DAAM2: variants seen among roughly 807,000 people sequenced by gnomAD.
DAAM2 encodes the protein disheveled-associated activator of morphogenesis 2.
In DAAM2, 39 loss-of-function variants were observed where a neutral mutation model predicts 120.7. The ratio of observed to expected loss-of-function variants is 0.32; its 90% CI spans 0.25 to 0.42. DAAM2 has a LOEUF of 0.42. DAAM2 is among the 10% of genes least tolerant of loss of function. DAAM2 has a pLI of 1.00. For missense variants in DAAM2, 1,283 were observed against 1,401.7 expected, an observed-to-expected ratio of 0.92 and a Z score of 1.35; for synonymous variants, 488 against 524.9, an observed-to-expected ratio of 0.93 and a Z score of 0.96.
chr6:39,797,865 G>A (rs961716088), intron 1 of DAAM2, among the ~76,000 whole-genome samples: 8 of 152,214 alleles, frequency 5.3e-5, no homozygotes, highest in Non-Finnish European at 1.2e-4. Flanking sequence ...TTGGGTAGAT[G>A]AACAAATGAA....
At chr6:39,891,274 C>T (rs969436189) in intron 17 of DAAM2, 67 bp from the exon 18 acceptor site, 5 of 1,284,702 alleles carry the variant, frequency 3.9e-6, no homozygotes, top group Non-Finnish European at 5.5e-6. Context: ...AGTACAGCTT[C>T]TCACACCCTG....
intron 19 of DAAM2, among the ~76,000 whole-genome samples, chr6:39,893,320 C>T (rs1219186338): frequency 6.6e-6 from 1 of 152,106 alleles, no homozygotes; most frequent in Non-Finnish European, 1.5e-5. Context: ...ATTGAGACCA[C>T]TCTGGCTAAC....
At position 39,891,382 on chromosome 6, in the gene DAAM2, G is replaced by A. The variant is rs776287715; in HGVS notation, c.2187G>A (p.Leu729=). 5.6e-6 allele frequency: 9 copies of A among 1,611,374 alleles called. No homozygotes were observed. Among genetic ancestry groups the A allele is most frequent in the Non-Finnish European group, 7.6e-6 (9 of 1,178,828 alleles). The change falls in exon 18 of 25, where the codon CTG becomes CTA. Residue 729 remains leucine, a synonymous_variant. Transcript: ENST00000274867. ...CAGAGAAGAGTGACATTGACCTCCT[G>A]GAGGAGCACAAGCATGAAATTGAGC... ...FIPEKSDIDL[L]EEHKHEIERM...
intron 2 of DAAM2, among the ~76,000 whole-genome samples, chr6:39,858,958 C>A (rs1300524550): frequency 6.6e-6 from 1 of 152,108 alleles, no homozygotes; most frequent in Non-Finnish European, 1.5e-5. Context: ...GCTAAAGAAA[C>A]CAGGGAAGTG....
chr6:39,824,110 GCCTT>G (rs1177523053), intron 1 of DAAM2, among the ~76,000 whole-genome samples: 1 of 152,142 alleles, frequency 6.6e-6, no homozygotes, highest in Non-Finnish European at 1.5e-5. Context: ...AGCTCTGGGG[GCCTT>G]CTGTGCTACA....
At chr6:39,796,670 G>A (rs1359604141) in intron 1 of DAAM2, among the ~76,000 whole-genome samples, 1 of 147,096 alleles carries the variant, frequency 6.8e-6, no homozygotes, top group African/African-American at 2.5e-5. Context: ...ACTTTAGGCA[G>A]TTTGATGTCT....
At chr6:39,872,196 T>A (rs1361378717) in intron 9 of DAAM2, among the ~76,000 whole-genome samples, 1 of 152,184 alleles carries the variant, frequency 6.6e-6, no homozygotes. Context: ...TACCCAGTCC[T>A]CTGATTCAAA....
chr6:39,807,904 A>G (rs1762053806), intron 1 of DAAM2, among the ~76,000 whole-genome samples: 1 of 152,148 alleles, frequency 6.6e-6, no homozygotes, highest in Non-Finnish European at 1.5e-5. Flanking sequence ...ACAGACTCCT[A>G]GTTCATCTCC....
At chr6:39,868,325 G>T in intron 6 of DAAM2, 1 of 223,658 alleles carries the variant, frequency 4.5e-6, no homozygotes, top group South Asian at 8.4e-5. Flanking sequence ...GCCCAGAGAA[G>T]TATCAGTGAG....
At chr6:39,864,571 C>G in intron 4 of DAAM2, 64 bp downstream of exon 4, 3 of 1,367,878 alleles carry the variant, frequency 2.2e-6, no homozygotes, top group Non-Finnish European at 2.0e-6. Context: ...GAGTGATTCC[C>G]CCAGCCCCCA....
intron 19 of DAAM2, 115 bp downstream of exon 19, chr6:39,891,837 A>G (rs911460567): frequency 1.3e-6 from 1 of 771,388 alleles, no homozygotes; most frequent in Non-Finnish European, 2.1e-6. Flanking sequence ...TCAACCCAAA[A>G]ACAAAAACAA....
At chr6:39,808,729 A>T (rs1762080700) in intron 1 of DAAM2, among the ~76,000 whole-genome samples, 1 of 152,236 alleles carries the variant, frequency 6.6e-6, no homozygotes, top group African/African-American at 2.4e-5. Context: ...TGTCCTTGTT[A>T]TATGGCCTTT....
intron 15 of DAAM2, 186 bp downstream of exon 15, chr6:39,884,255 A>G (rs1189212401): frequency 1.3e-5 from 7 of 552,692 alleles, no homozygotes; most frequent in Non-Finnish European, 2.3e-5. Flanking sequence ...ATTCTTTATG[A>G]GGTGATGATT....
In DAAM2 at chr6:39,902,218, C is replaced by A; in HGVS notation, c.*181C>A. On this transcript the variant is annotated 3_prime_UTR_variant, in exon 25 of 25. Transcript: ENST00000274867. ...TCCCCACGCTTACCTTAAGGGGCTCCTCTTATCTCCCCTTCACATGATTCC... is the reference window on the plus strand; with the variant it reads ...TCCCCACGCTTACCTTAAGGGGCTCATCTTATCTCCCCTTCACATGATTCC... 1 of 478,884 alleles carries A rather than the reference C, an allele frequency of 2.1e-6. No individual in the cohort carries two copies. Among genetic ancestry groups the A allele is most frequent in the Non-Finnish European group, 3.7e-6 (1 of 273,762 alleles). 29.7% of individuals were successfully genotyped at this position (478,884 alleles called of 1,614,324 possible).
chr6:39,885,773 G>C (rs1403933808), intron 15 of DAAM2: 1 of 152,266 alleles, frequency 6.6e-6, no homozygotes, highest in Non-Finnish European at 1.5e-5. Context: ...TCTCTCAGTT[G>C]GTTGTGGGGC....
intron 3 of DAAM2, chr6:39,862,354 G>A (rs1039020850): frequency 1.3e-5 from 2 of 152,174 alleles, no homozygotes; most frequent in African/African-American, 4.8e-5. Context: ...AGAAAAGCAG[G>A]TCTTTAAAAA....
intron 5 of DAAM2, among the ~76,000 whole-genome samples, 160 bp downstream of exon 5, chr6:39,865,234 G>A (rs1764378814): frequency 6.6e-6 from 1 of 152,216 alleles, no homozygotes; most frequent in African/African-American, 2.4e-5. Context: ...CTCCTGGGAG[G>A]CTGCCAGGGC....
intron 1 of DAAM2, among the ~76,000 whole-genome samples, chr6:39,808,269 C>T (rs1041358281): frequency 6.6e-6 from 1 of 152,138 alleles, no homozygotes; most frequent in Non-Finnish European, 1.5e-5. Context: ...ATTCTGGAGC[C>T]TTCTTTCTCC....
chr6:39,825,455 C>G (rs35261912), intron 1 of DAAM2, among the ~76,000 whole-genome samples: 35,603 of 133,056 alleles, frequency 0.27, 6,923 homozygotes, highest in Non-Finnish European at 0.38. Context: ...TGGTGGGGGG[C>G]CTTTGTTTCT....
Sources: gnomAD v4.1 joint callset for allele counts (sites outside exome capture counted in the v4.1 genomes callset) on GRCh38, gnomAD v4.1.1 for gene constraint, MANE v1.5 for transcripts, NCBI Gene and HGNC (gene_info 2026-07-23, HGNC 2026-07-21) for gene names.